Variants in TMC5 observed in about 807,000 individuals in gnomAD.
The protein encoded by TMC5 is transmembrane channel-like protein 5.
A neutral mutation model predicts 110.5 loss-of-function variants in TMC5; 86 were observed. That is an observed-to-expected ratio of 0.78 (90% CI 0.65 to 0.93). The LOEUF (loss-of-function observed/expected upper bound fraction) is 0.93, where lower values mean the gene tolerates loss of function less well. Ranked by LOEUF, TMC5 falls within the 40% of genes least tolerant of loss-of-function variation. The pLI, the probability that TMC5 is intolerant of heterozygous loss-of-function variation, is 0.00. For synonymous variants in TMC5, 455 were observed against 439.5 expected, an observed-to-expected ratio of 1.04 and a Z score of -0.44; for missense variants, 1,144 against 1,222.8, an observed-to-expected ratio of 0.94 and a Z score of 0.96.
At chr16:19,458,793 C>T (rs2037424549) in intron 5 of TMC5, among the ~76,000 whole-genome samples, 1 of 152,174 alleles carries the variant, frequency 6.6e-6, no homozygotes, top group South Asian at 2.1e-4. Context: ...TTTGGTGGTC[C>T]TCTTTTGGGA....
intron 19 of TMC5, among the ~76,000 whole-genome samples, chr16:19,492,933 T>TATATATATATA (rs1968948616): frequency 1.3e-5 from 1 of 78,406 alleles, no homozygotes; most frequent in Non-Finnish European, 3.4e-5. Flanking sequence ...TATATATATA[T>TATATATATATA]CTCTCTATAA....
At chr16:19,496,157 C>CAAAAAAAAAAA (rs34143697) in intron 20 of TMC5, among the ~76,000 whole-genome samples, 1 of 136,228 alleles carries the variant, frequency 7.3e-6, no homozygotes. Context: ...GACTCCGTGT[C>CAAAAAAAAAAA]AAAAAAAAAA....
intron 9 of TMC5, among the ~76,000 whole-genome samples, chr16:19,468,853 G>A (rs1286234422): frequency 6.6e-6 from 1 of 152,180 alleles, no homozygotes; most frequent in Non-Finnish European, 1.5e-5. Flanking sequence ...TTAGCTGGGT[G>A]TGGTGGCATG....
chr16:19,489,100 A>G (rs921106039), intron 17 of TMC5, among the ~76,000 whole-genome samples: 1 of 146,250 alleles, frequency 6.8e-6, no homozygotes, highest in Non-Finnish European at 1.5e-5. Context: ...TCTCTTCCTC[A>G]CCAGTTCCTT....
intron 12 of TMC5, chr16:19,474,782 T>G (rs571036017): frequency 6.3e-6 from 1 of 158,140 alleles, no homozygotes; most frequent in South Asian, 1.9e-4. Flanking sequence ...AGTTCTCAAG[T>G]ATGGGATGTA....
chr16:19,465,255 C>T (rs1260971853), intron 8 of TMC5, among the ~76,000 whole-genome samples: 2 of 151,844 alleles, frequency 1.3e-5, no homozygotes, highest in South Asian at 2.1e-4. Flanking sequence ...AATAATCAGC[C>T]GGGTACGGTG....
At chr16:19,485,758 G>A (rs567359493) in intron 15 of TMC5, among the ~76,000 whole-genome samples, 17 of 152,194 alleles carry the variant, frequency 1.1e-4, no homozygotes, top group South Asian at 2.1e-4. Flanking sequence ...CTCTCAGCCC[G>A]AAGCCTACTC....
chr16:19,412,374 C>CT lies in TMC5; in HGVS notation c.-308+1209dup, dbSNP rs972592290. ...GGCATGAGCCACCAAGCCCGACTTTCTTTTTTTTTTTGAGACAGTCTCGTT... is the reference window on the plus strand; with the variant it reads ...GGCATGAGCCACCAAGCCCGACTTTCTTTTTTTTTTTTGAGACAGTCTCGTT... On this transcript the variant is annotated intron_variant, in intron 1 of 20. Transcript: ENST00000381414. Among the ~76,000 whole-genome samples the CT allele has an allele frequency of 2.6e-3, 338 of 128,352 alleles. 5 individuals carry two copies. Among genetic ancestry groups the CT allele is most frequent in the African/African-American group, 6.9e-3 (237 of 34,360 alleles). The allele number at this position is 128,352 out of a possible 152,430, so 84.2% of individuals were successfully genotyped here.
At chr16:19,469,912 T>TTTG in intron 10 of TMC5, 87 bp downstream of exon 10, 32 of 1,246,586 alleles carry the variant, frequency 2.6e-5, no homozygotes, top group Admixed American at 4.6e-5. Flanking sequence ...TTTTTTTTTT[T>TTTG]GAATTGGAGT....
intron 2 of TMC5, among the ~76,000 whole-genome samples, chr16:19,436,905 G>A (rs995648696): frequency 1.3e-5 from 2 of 152,142 alleles, no homozygotes; most frequent in Non-Finnish European, 2.9e-5. Context: ...TTGGCCGGTT[G>A]CAGTGGCTAA....
upstream of TMC5, among the ~76,000 whole-genome samples, chr16:19,413,803 CTGCCTCTGCCACTTTCT>C (rs933891601): frequency 4.6e-5 from 7 of 152,260 alleles, no homozygotes; most frequent in East Asian, 1.9e-4. Context: ...GGTTAAAATC[CTGCCTCTGCCACTTTCT>C]TGCCTCTGCC....
At chr16:19,468,588 C>G (rs1258638691) in intron 9 of TMC5, among the ~76,000 whole-genome samples, 1 of 151,994 alleles carries the variant, frequency 6.6e-6, no homozygotes, top group Non-Finnish European at 1.5e-5. Flanking sequence ...GGGAGATTAT[C>G]CTGGATTATC....
Position 19,440,534 on chromosome 16 carries a change from G to A in TMC5, c.496G>A (p.Ala166Thr). The A allele has an allele frequency of 1.2e-6, 2 of 1,614,158 alleles. No individual in the cohort carries two copies. Among genetic ancestry groups the A allele is most frequent in the East Asian group, 2.2e-5 (1 of 44,882 alleles). The change falls in exon 3 of 22, where the codon GCT becomes ACT. Residue 166 changes from alanine (A) to threonine (T), a missense_variant. Physicochemically the swap from Ala to Thr is moderately conservative, Grantham distance 58. Transcript: ENST00000542583. ...CTCCTTAGAACCGGACTACCCTGGA[G>A]CTCAGAGCAACTCTGATCATCCTGG... ...FGSLEPDYPG[A>T]QSNSDHPGPR...
At chr16:19,436,562 GTCT>G (rs1395559857) in intron 2 of TMC5, among the ~76,000 whole-genome samples, 1 of 152,180 alleles carries the variant, frequency 6.6e-6, no homozygotes, top group Non-Finnish European at 1.5e-5. Flanking sequence ...ACAGCATTTA[GTCT>G]TCTTAGCACT....
chr16:19,435,156 G>A (rs1354480799), intron 2 of TMC5, among the ~76,000 whole-genome samples: 1 of 152,076 alleles, frequency 6.6e-6, no homozygotes, highest in African/African-American at 2.4e-5. Flanking sequence ...GAATCGGAAG[G>A]TTTTATGTTA....
At position 19,434,131 on chromosome 16, in the gene TMC5, A is replaced by AAT. The variant is rs1199099494; in HGVS notation, c.-80+3500_-80+3501dup. On this transcript the variant is annotated intron_variant, in intron 2 of 21. Coordinates refer to ENST00000542583, the MANE Select transcript of TMC5 (RefSeq NM_001261841.2). Reference sequence around the variant, plus strand: ...ATTATATATATATCTATATATCTAAAATATATATATCTATAATATATAGAT... The same window carrying AAT: ...ATTATATATATATCTATATATCTAAAATATATATATATCTATAATATATAGAT... 7.5e-5 allele frequency among the ~76,000 whole-genome samples: 7 copies of AAT among 93,324 alleles called. No homozygotes were observed. The Admixed American group carries it at 7.7e-4, about 10-fold the overall frequency. 61.2% of individuals were successfully genotyped at this position (93,324 alleles called of 152,430 possible).
At chr16:19,427,534 T>C (rs1005161966) in intron 1 of TMC5, among the ~76,000 whole-genome samples, 3 of 152,170 alleles carry the variant, frequency 2.0e-5, no homozygotes, top group Non-Finnish European at 2.9e-5. Flanking sequence ...CATAGCTACA[T>C]GTGGCTAGTG....
chr16:19,438,398 A>AAG (rs1967395798), intron 2 of TMC5, among the ~76,000 whole-genome samples: 1 of 134,332 alleles, frequency 7.4e-6, no homozygotes, highest in Non-Finnish European at 1.6e-5. Context: ...GTCAAAAAAA[A>AAG]AAAAAAAAAA....
chr16:19,455,721 G>A (rs748881654), intron 5 of TMC5, among the ~76,000 whole-genome samples: 8 of 152,152 alleles, frequency 5.3e-5, no homozygotes, highest in South Asian at 2.1e-4. Context: ...ACCCTTAGCC[G>A]CAAAGAACAC....
Sources: allele counts gnomAD v4.1 joint callset (sites outside exome capture counted in the v4.1 genomes callset), GRCh38; gene constraint gnomAD v4.1.1; transcripts MANE v1.5; gene names NCBI Gene and HGNC (gene_info 2026-07-23, HGNC 2026-07-21).